The following SEMA3A variants were observed in gnomAD, a reference collection of about 807,000 sequenced individuals.
SEMA3A encodes semaphorin-3A.
Under a neutral mutation model 97.9 loss-of-function variants are expected in SEMA3A, and 29 were observed. The ratio of observed to expected loss-of-function variants is 0.30; its 90% CI spans 0.22 to 0.40. The LOEUF (loss-of-function observed/expected upper bound fraction) is 0.40. Ranked by LOEUF, SEMA3A falls within the 10% of genes least tolerant of loss-of-function variation. The pLI is 1.00. For synonymous variants in SEMA3A, 321 were observed against 323.7 expected (o/e 0.99, Z 0.09); for missense variants, 763 against 951.3 (o/e 0.80, Z 2.60).
intron 3 of SEMA3A, among the ~76,000 whole-genome samples, chr7:84,285,476 CTTA>C (rs913039869): frequency 3.3e-5 from 5 of 152,056 alleles, no homozygotes; most frequent in Non-Finnish European, 7.4e-5. Flanking sequence ...TAATAGAAAA[CTTA>C]TTATATTTCT....
intron 4 of SEMA3A, among the ~76,000 whole-genome samples, chr7:84,079,761 T>G (rs2115792293): frequency 8.7e-6 from 1 of 114,596 alleles, no homozygotes; most frequent in Admixed American, 8.5e-5. Context: ...GGTGGGACTG[T>G]AAACTAGTTC....
chr7:84,343,700 T>C (rs575249422), intron 2 of SEMA3A, among the ~76,000 whole-genome samples: 1 of 152,208 alleles, frequency 6.6e-6, no homozygotes, highest in Non-Finnish European at 1.5e-5. Flanking sequence ...TAACTCATGA[T>C]ACAAATAGAA....
intron 1 of SEMA3A, among the ~76,000 whole-genome samples, chr7:84,451,289 C>T (rs1441373042): frequency 2.0e-5 from 3 of 152,184 alleles, no homozygotes; most frequent in African/African-American, 7.2e-5. Flanking sequence ...TTTCTTCTAA[C>T]CCTATATACA....
chr7:84,487,429 T>C (rs533050965), intron 1 of SEMA3A, among the ~76,000 whole-genome samples: 1 of 152,256 alleles, frequency 6.6e-6, no homozygotes, highest in African/African-American at 2.4e-5. Context: ...AGGTCTGCAG[T>C]GTTCCCAATA....
At chr7:84,230,784 T>G (rs1799099496) in intron 3 of SEMA3A, among the ~76,000 whole-genome samples, 1 of 151,986 alleles carries the variant, frequency 6.6e-6, no homozygotes, top group South Asian at 2.1e-4. Context: ...TGAAAATTGT[T>G]TATATTACTC....
At chr7:84,443,587 T>C (rs1323406106) in intron 1 of SEMA3A, among the ~76,000 whole-genome samples, 2 of 152,174 alleles carry the variant, frequency 1.3e-5, no homozygotes, top group African/African-American at 4.8e-5. Flanking sequence ...CTTGAAACTC[T>C]CACGAAATTG....
chr7:84,300,611 C>T (rs965968836), intron 3 of SEMA3A, among the ~76,000 whole-genome samples: 1 of 151,746 alleles, frequency 6.6e-6, no homozygotes, highest in Admixed American at 6.6e-5. Flanking sequence ...CTAAAATAGA[C>T]ATAAAAGCAA....
chr7:84,303,869 T>C (rs907159497), intron 3 of SEMA3A, among the ~76,000 whole-genome samples: 1 of 152,188 alleles, frequency 6.6e-6, no homozygotes, highest in African/African-American at 2.4e-5. Flanking sequence ...TTGTATTAAA[T>C]GCGTTTTCGA....
At chr7:84,048,028 G>A (rs1226343870) in intron 5 of SEMA3A, among the ~76,000 whole-genome samples, 1 of 151,888 alleles carries the variant, frequency 6.6e-6, no homozygotes, top group African/African-American at 2.4e-5. Flanking sequence ...AACATCCATA[G>A]ATATGAATCT....
intron 1 of SEMA3A, among the ~76,000 whole-genome samples, chr7:84,488,315 T>TACACACACACACAC (rs1408597815): frequency 3.0e-4 from 28 of 94,286 alleles, no homozygotes; most frequent in African/African-American, 1.0e-3. Flanking sequence ...TTTCTTCGTA[T>TACACACACACACAC]ATACACACAC....
chr7:84,291,625 A>G (rs1443579958), intron 3 of SEMA3A, among the ~76,000 whole-genome samples: 1 of 152,118 alleles, frequency 6.6e-6, no homozygotes, highest in Non-Finnish European at 1.5e-5. Context: ...TTGCAAAGGC[A>G]GGTAGTATTA....
intron 4 of SEMA3A, among the ~76,000 whole-genome samples, chr7:84,077,980 T>G (rs1794011117): frequency 6.6e-6 from 1 of 152,054 alleles, no homozygotes; most frequent in Admixed American, 6.6e-5. Flanking sequence ...AAATAGATGT[T>G]TAATAACTCT....
intron 1 of SEMA3A, among the ~76,000 whole-genome samples, chr7:84,457,383 A>T (rs1392076455): frequency 6.6e-6 from 1 of 151,902 alleles, no homozygotes. Flanking sequence ...AGTTGTTAGT[A>T]TTAGGTAAGG....
chr7:84,470,684 C>T (rs1806124319), intron 1 of SEMA3A, among the ~76,000 whole-genome samples: 1 of 151,948 alleles, frequency 6.6e-6, no homozygotes, highest in Non-Finnish European at 1.5e-5. Context: ...CACACAAATC[C>T]CAGAACTCTT....
chr7:84,324,288 T>C (rs1432168060), intron 2 of SEMA3A, among the ~76,000 whole-genome samples: 1 of 152,198 alleles, frequency 6.6e-6, no homozygotes, highest in Non-Finnish European at 1.5e-5. Flanking sequence ...GAGTAACCTA[T>C]TGGAGCTTCC....
chr7:84,374,485 C>T (rs71558727), intron 1 of SEMA3A, among the ~76,000 whole-genome samples: 19,748 of 152,084 alleles, frequency 0.13, 1,464 homozygotes, highest in East Asian at 0.28. Flanking sequence ...TATGTGCATA[C>T]GCAAGTACAA....
intron 4 of SEMA3A, among the ~76,000 whole-genome samples, chr7:84,063,879 G>A (rs1032008672): frequency 1.1e-4 from 17 of 150,132 alleles, no homozygotes; most frequent in African/African-American, 4.0e-4. Flanking sequence ...CCCCAATCTA[G>A]CAAGGCAAGC....
chr7:84,457,824 T>C (rs953244803), intron 1 of SEMA3A, among the ~76,000 whole-genome samples: 6 of 152,000 alleles, frequency 3.9e-5, no homozygotes, highest in African/African-American at 1.4e-4. Flanking sequence ...AGATAATTAT[T>C]AGACAAAACA....
intron 4 of SEMA3A, among the ~76,000 whole-genome samples, chr7:84,077,609 C>T (rs141348361): frequency 1.4e-4 from 22 of 152,002 alleles, no homozygotes; most frequent in African/African-American, 4.3e-4. Context: ...GTCATTCAAG[C>T]GCTGTCATAA....
Sources: allele counts gnomAD v4.1 joint callset (sites outside exome capture counted in the v4.1 genomes callset), GRCh38; gene constraint gnomAD v4.1.1; transcripts MANE v1.5; gene names NCBI Gene and HGNC (gene_info 2026-07-23, HGNC 2026-07-21).